Variants in MRTFA observed in about 807,000 individuals in gnomAD.
MRTFA encodes the protein myocardin related transcription factor A, also known as myocardin-related transcription factor A.
Under a neutral mutation model 83.5 loss-of-function variants are expected in MRTFA, and 20 were observed. That is an observed-to-expected ratio of 0.24 (90% confidence interval 0.17 to 0.35). The LOEUF is 0.35. Among genes scored for constraint, MRTFA ranks in the 10% least tolerant of loss-of-function variants. The pLI is 1.00. For synonymous variants in MRTFA, 659 were observed against 541.2 expected, an observed-to-expected ratio of 1.22 and a Z score of -3.02; for missense variants, 1,200 against 1,224.7, an observed-to-expected ratio of 0.98 and a Z score of 0.30.
At chr22:40,569,775 A>C (rs201432472) in intron 2 of MRTFA, 12,248 of 126,550 alleles carry the variant, frequency 0.097, 695 homozygotes, top group East Asian at 0.26. Flanking sequence ...ATACATACAT[A>C]CATCAAGGGG....
At chr22:40,611,231 G>A (rs1384143358) in intron 1 of MRTFA, among the ~76,000 whole-genome samples, 2 of 151,902 alleles carry the variant, frequency 1.3e-5, no homozygotes, top group East Asian at 1.9e-4. Context: ...GAGCCACTGC[G>A]CCCAGCCTAT....
At chr22:40,463,340 T>G in intron 3 of MRTFA, 54 bp from the exon 4 acceptor site, 1 of 1,463,458 alleles carries the variant, frequency 6.8e-7, no homozygotes, top group East Asian at 2.3e-5. Context: ...GTATTCCACC[T>G]CAAAAAACAC....
Position 40,416,690 on chromosome 22 carries a change from A to G in MRTFA, c.2578+296T>C, listed in dbSNP as rs1463892908. On this transcript the variant is annotated intron_variant, in intron 14 of 14. Coordinates refer to ENST00000355630, the MANE Select transcript of MRTFA (RefSeq NM_020831.6). The surrounding 1 kb of genome is among the most constrained non-coding windows in gnomAD (Gnocchi z 4.2). Reference sequence around the variant, plus strand: ...CTTCCATATGATCTGCTTATTTCTTATATTTGTTGTCCACCTCCCCAGGCT... The same window carrying G: ...CTTCCATATGATCTGCTTATTTCTTGTATTTGTTGTCCACCTCCCCAGGCT... Among the ~76,000 whole-genome samples, 4 of 152,070 alleles carry G rather than the reference A, an allele frequency of 2.6e-5. No individual in the cohort carries two copies. Among genetic ancestry groups the G allele is most frequent in the Non-Finnish European group, 5.9e-5 (4 of 68,020 alleles).
intron 4 of MRTFA, among the ~76,000 whole-genome samples, chr22:40,448,883 G>C (rs1403480757): frequency 6.6e-6 from 1 of 152,190 alleles, no homozygotes; most frequent in Non-Finnish European, 1.5e-5. Context: ...AGGCAAGCCA[G>C]GCTTTTCCGA....
intron 1 of MRTFA, among the ~76,000 whole-genome samples, chr22:40,614,524 C>T (rs940821600): frequency 6.6e-6 from 1 of 152,074 alleles, no homozygotes; most frequent in East Asian, 1.9e-4. Context: ...GTTTCGCTCT[C>T]GTTACCAGAC....
intron 3 of MRTFA, among the ~76,000 whole-genome samples, chr22:40,488,764 T>C (rs1017910413): frequency 1.3e-5 from 2 of 152,086 alleles, no homozygotes; most frequent in Admixed American, 6.5e-5. Context: ...ACCCTGGACA[T>C]GGAAGTTGCA....
chr22:40,613,760 A>C (rs1442514951), intron 1 of MRTFA, among the ~76,000 whole-genome samples: 2 of 152,034 alleles, frequency 1.3e-5, no homozygotes, highest in East Asian at 1.9e-4. Context: ...ATACCCAAAA[A>C]ATAGCCAGGC....
At chr22:40,465,070 T>C (rs138443028) in intron 3 of MRTFA, among the ~76,000 whole-genome samples, 47 of 152,302 alleles carry the variant, frequency 3.1e-4, no homozygotes, top group African/African-American at 1.0e-3. Flanking sequence ...TTTTATTCAC[T>C]TCACCTGGAA....
chr22:40,505,346 TAGTC>T (rs1333775990), intron 3 of MRTFA, among the ~76,000 whole-genome samples: 1 of 152,240 alleles, frequency 6.6e-6, no homozygotes, highest in African/African-American at 2.4e-5. Flanking sequence ...CATGGCTTAA[TAGTC>T]AGGTGTTTTG....
intron 5 of MRTFA, among the ~76,000 whole-genome samples, chr22:40,435,000 A>C (rs935086217): frequency 1.3e-5 from 2 of 152,072 alleles, no homozygotes; most frequent in Non-Finnish European, 2.9e-5. Context: ...TCTGCTTTCC[A>C]CAAGAGTCAA....
intron 3 of MRTFA, among the ~76,000 whole-genome samples, chr22:40,474,905 T>A (rs2053967479): frequency 6.6e-6 from 1 of 152,076 alleles, no homozygotes; most frequent in Non-Finnish European, 1.5e-5. Context: ...GTGGCATGAT[T>A]TTGGCTCAAT....
intron 1 of MRTFA, among the ~76,000 whole-genome samples, chr22:40,634,369 A>C (rs747167740): frequency 6.6e-6 from 1 of 152,236 alleles, no homozygotes; most frequent in Non-Finnish European, 1.5e-5. Flanking sequence ...CTAGGATTAC[A>C]GGCGTAAGCC....
At chr22:40,417,723 G>C in intron 12 of MRTFA, 1 of 539,782 alleles carries the variant, frequency 1.9e-6, no homozygotes, top group South Asian at 2.2e-5. Context: ...GTTTGGGAGA[G>C]GTCTCTGGGC....
intron 5 of MRTFA, among the ~76,000 whole-genome samples, chr22:40,432,170 C>T (rs936979640): frequency 7.9e-5 from 12 of 152,070 alleles, no homozygotes; most frequent in African/African-American, 2.4e-4. Context: ...CACTTGAACT[C>T]GTGAGGTGGA....
chr22:40,571,195 G>A (rs2055788083), intron 2 of MRTFA, among the ~76,000 whole-genome samples: 1 of 152,006 alleles, frequency 6.6e-6, no homozygotes, highest in Non-Finnish European at 1.5e-5. Context: ...CGACAGGAGT[G>A]AGACCCTCTC....
chr22:40,490,646 CA>C (rs1374933031), intron 3 of MRTFA, among the ~76,000 whole-genome samples: 1 of 151,788 alleles, frequency 6.6e-6, no homozygotes, highest in East Asian at 1.9e-4. Flanking sequence ...ATTCTCTCTG[CA>C]AACTGGGCAC....
At chr22:40,552,657 G>A (rs4257482) in intron 2 of MRTFA, among the ~76,000 whole-genome samples, 100,767 of 152,068 alleles carry the variant, frequency 0.66, 33,819 homozygotes, top group African/African-American at 0.74. Context: ...CACCATGATT[G>A]TAAGTTCCTG....
intron 2 of MRTFA, among the ~76,000 whole-genome samples, chr22:40,561,950 A>G (rs936573057): frequency 6.6e-6 from 1 of 152,168 alleles, no homozygotes; most frequent in Non-Finnish European, 1.5e-5. Context: ...AAGAAGTCCA[A>G]CTACCCTGAT....
In MRTFA at chr22:40,418,641, G is replaced by A. The variant is rs1341077695; in HGVS notation, c.2097C>T (p.Pro699=). The A allele has an allele frequency of 1.1e-5, 17 of 1,528,640 alleles. No homozygotes were observed. The highest frequency in any genetic ancestry group is 1.5e-5 in the Non-Finnish European group (17 of 1,145,914). The allele number at this position is 1,528,640 out of a possible 1,614,324, so 94.7% of individuals were successfully genotyped here. A position where few individuals can be genotyped will look rare whatever the true frequency, so the allele number is the denominator to read the frequency against. ...GGTTGGTGGCTGGGGCCGCCAGGCT[G>A]GGGTTGAATGGGTGAGCGGGGCCCA... is the stretch of plus-strand genomic sequence containing the variant. The change falls in exon 12 of 15, where the codon CCC becomes CCT. Residue 699 remains proline (P), a synonymous_variant. Transcript: ENST00000355630.
Sources: allele counts gnomAD v4.1 joint callset (sites outside exome capture counted in the v4.1 genomes callset), GRCh38; gene constraint gnomAD v4.1.1; non-coding constraint Gnocchi (gnomAD v3.1); transcripts MANE v1.5; gene names NCBI Gene and HGNC (gene_info 2026-07-23, HGNC 2026-07-21).